The following AGAP1 variants were observed in gnomAD, a reference collection of about 807,000 sequenced individuals.
The protein encoded by AGAP1 is ArfGAP with GTPase domain, ankyrin repeat and PH domain 1, also known as arf-GAP with GTPase, ANK repeat and PH domain-containing protein 1.
AGAP1 carries 29 observed loss-of-function variants against 105.3 expected under a neutral mutation model. The observed-to-expected ratio is 0.28, with a 90% CI of 0.21 to 0.38. The LOEUF (loss-of-function observed/expected upper bound fraction) is 0.38. Ranked by LOEUF, AGAP1 falls within the 10% of genes least tolerant of loss-of-function variation. The pLI is 1.00. For synonymous variants in AGAP1, 509 were observed against 485.9 expected, an observed-to-expected ratio of 1.05 and a Z score of -0.63; for missense variants, 998 against 1,165.1, an observed-to-expected ratio of 0.86 and a Z score of 2.09.
chr2:235,617,340 A>G (rs1216595079), intron 1 of AGAP1, among the ~76,000 whole-genome samples: 1 of 152,206 alleles, frequency 6.6e-6, no homozygotes, highest in African/African-American at 2.4e-5. Flanking sequence ...AGGAAATTAG[A>G]ATAGTGGTTG....
At position 235,777,302 on chromosome 2, in the gene AGAP1, A is replaced by T. The variant is rs1300626400; in HGVS notation, c.674-20457A>T. On this transcript the variant is annotated intron_variant, in intron 6 of 17. Transcript: ENST00000304032. This position sits in a 1 kb window ranked among gnomAD's most constrained non-coding sequence, Gnocchi z 5.1. ...GAGGCGGAGGTTGCAGTGAGCCGAG[A>T]TTGCGCCACTGCACTTCAGCCTGGG... 6.6e-6 allele frequency among the ~76,000 whole-genome samples: 1 copy of T among 152,192 alleles called. No individual in the cohort carries two copies. Among genetic ancestry groups the T allele is most frequent in the Non-Finnish European group, 1.5e-5 (1 of 68,034 alleles).
At chr2:235,512,604 T>C (rs1338750421) in intron 1 of AGAP1, among the ~76,000 whole-genome samples, 2 of 151,944 alleles carry the variant, frequency 1.3e-5, no homozygotes, top group Non-Finnish European at 2.9e-5. Flanking sequence ...TAAAAATCAG[T>C]CAATCAATCA....
Position 236,095,950 on chromosome 2 carries a change from C to G in AGAP1, c.2115-24242C>G, listed in dbSNP as rs151036494. On this transcript the variant is annotated intron_variant, in intron 16 of 17. Coordinates refer to ENST00000304032, the MANE Select transcript of AGAP1 (RefSeq NM_001037131.3). The surrounding 1 kb of genome is among the most constrained non-coding windows in gnomAD (Gnocchi z 4.1). ...GACGCTGCTCTTTTAGAAATTCTTCCGTGATTCAGGGTTCGCCAACATGAG... is the reference window on the plus strand; with the variant it reads ...GACGCTGCTCTTTTAGAAATTCTTCGGTGATTCAGGGTTCGCCAACATGAG... Among the ~76,000 whole-genome samples, 1 of 152,150 alleles carries G rather than the reference C, an allele frequency of 6.6e-6. No homozygotes were observed. The highest frequency in any genetic ancestry group is 1.5e-5 in the Non-Finnish European group (1 of 68,034).
At position 235,555,496 on chromosome 2, in the gene AGAP1, A is replaced by G. The variant is rs1943945166; in HGVS notation, c.163+60647A>G. Reference sequence around the variant, plus strand: ...CATCCAGGGCTGGACTGGGGCCGGCATGGGGGTCACTGGCTGCAAGCGAAG... The same window carrying G: ...CATCCAGGGCTGGACTGGGGCCGGCGTGGGGGTCACTGGCTGCAAGCGAAG... On this transcript the variant is annotated intron_variant, in intron 1 of 17. Coordinates refer to ENST00000304032, the MANE Select transcript of AGAP1 (RefSeq NM_001037131.3). This position sits in a 1 kb window ranked among gnomAD's most constrained non-coding sequence, Gnocchi z 5.1. 6.6e-6 allele frequency among the ~76,000 whole-genome samples: 1 copy of G among 152,146 alleles called. No individual in the cohort carries two copies. Among genetic ancestry groups the G allele is most frequent in the Non-Finnish European group, 1.5e-5 (1 of 68,032 alleles).
rs1204422686 is a variant in AGAP1, at chr2:235,799,672, TAAGAG to T, written c.957+154_957+158del. ...GATTTCTGTGGAGGACTAAGAAAAT[TAAGAG>T]AAGCAAAGATTTGGATGTTGAGTAG... On this transcript the variant is annotated intron_variant, in intron 8 of 17. Transcript: ENST00000304032. This position sits in a 1 kb window ranked among gnomAD's most constrained non-coding sequence, Gnocchi z 5.0. The T allele has an allele frequency of 3.4e-5, 32 of 941,164 alleles. No individual in the cohort carries two copies. The highest frequency in any genetic ancestry group is 2.2e-4 in the Middle Eastern group (1 of 4,454). 58.3% of individuals were successfully genotyped at this position (941,164 alleles called of 1,614,324 possible). A position where few individuals can be genotyped will look rare whatever the true frequency, so the allele number is the denominator to read the frequency against.
Position 235,692,691 on chromosome 2 carries a change from G to A in AGAP1, c.164-16488G>A, listed in dbSNP as rs1176595590. Among the ~76,000 whole-genome samples, 2 of 152,072 alleles carry A rather than the reference G, an allele frequency of 1.3e-5. No individual in the cohort carries two copies. The highest frequency in any genetic ancestry group is 2.4e-5 in the African/African-American group (1 of 41,402). On this transcript the variant is annotated intron_variant, in intron 1 of 17. Coordinates refer to ENST00000304032, the MANE Select transcript of AGAP1 (RefSeq NM_001037131.3). This position sits in a 1 kb window ranked among gnomAD's most constrained non-coding sequence, Gnocchi z 5.8. ...CACCTCAGAGAAGCCGATGACTGAC[G>A]TGCACCCCGCCAGCCTCCCTGCTTA...
At chr2:235,558,046 G>C (rs1213417098) in intron 1 of AGAP1, among the ~76,000 whole-genome samples, 1 of 152,196 alleles carries the variant, frequency 6.6e-6, no homozygotes, top group East Asian at 1.9e-4. Context: ...TCTGTGAGTG[G>C]GAAGAGTACC....
rs1177238884 is a variant in AGAP1, at chr2:235,660,105, T to C, written c.164-49074T>C. 6.6e-6 allele frequency among the ~76,000 whole-genome samples: 1 copy of C among 152,176 alleles called. No homozygotes were observed. Among genetic ancestry groups the C allele is most frequent in the Non-Finnish European group, 1.5e-5 (1 of 68,034 alleles). On this transcript the variant is annotated intron_variant, in intron 1 of 17. Transcript: ENST00000304032. This position sits in a 1 kb window ranked among gnomAD's most constrained non-coding sequence, Gnocchi z 5.3. The stretch of plus-strand genomic sequence containing the variant: ...CCCACCCCTCAGCACACACAGTGAC[T>C]GTGTTTTCATGTTTTCCACCAAGGG...
At position 235,750,340 on chromosome 2, in the gene AGAP1, G is replaced by T; in HGVS notation, c.539-14G>T. The T allele has an allele frequency of 1.2e-6, 2 of 1,613,856 alleles. No homozygotes were observed. The highest frequency in any genetic ancestry group is 8.5e-7 in the Non-Finnish European group (1 of 1,179,866). ...ATTGTCACTGTGCCGTTACTTTTTGGTCTTCTGTTCCAGATGCCATAAGTT... is the reference window on the plus strand; with the variant it reads ...ATTGTCACTGTGCCGTTACTTTTTGTTCTTCTGTTCCAGATGCCATAAGTT... On this transcript the variant is annotated splice_polypyrimidine_tract_variant and intron_variant, in intron 5 of 17. Transcript: ENST00000304032. This position sits in a 1 kb window ranked among gnomAD's most constrained non-coding sequence, Gnocchi z 5.3.
At chr2:235,878,986 T>TG (rs2049880518) in intron 9 of AGAP1, among the ~76,000 whole-genome samples, 1 of 152,174 alleles carries the variant, frequency 6.6e-6, no homozygotes, top group Non-Finnish European at 1.5e-5. Context: ...GGGCAGTGGC[T>TG]GGGACACCCA....
In AGAP1 at chr2:235,931,082, G is replaced by T. The variant is rs1267139611; in HGVS notation, c.1483+159G>T. Among the ~76,000 whole-genome samples, 1 of 152,166 alleles carries T rather than the reference G, an allele frequency of 6.6e-6. No individual in the cohort carries two copies. The highest frequency in any genetic ancestry group is 1.5e-5 in the Non-Finnish European group (1 of 68,028). On this transcript the variant is annotated intron_variant, in intron 12 of 17. Transcript: ENST00000304032. This position sits in a 1 kb window ranked among gnomAD's most constrained non-coding sequence, Gnocchi z 5.6. Reference sequence around the variant, plus strand: ...GACTCACATCTTGCCTTTCATCTGTGGAACGTTTTGTCCTTGCTAGGCTGT... The same window carrying T: ...GACTCACATCTTGCCTTTCATCTGTTGAACGTTTTGTCCTTGCTAGGCTGT...
At chr2:235,704,164 G>A (rs549986872) in intron 1 of AGAP1, among the ~76,000 whole-genome samples, 5 of 152,240 alleles carry the variant, frequency 3.3e-5, no homozygotes, top group Admixed American at 2.6e-4. Context: ...TGAGGGCTGC[G>A]TTATGGGGTA....
Position 235,848,950 on chromosome 2 carries a change from C to T in AGAP1, c.1051-34395C>T, listed in dbSNP as rs375581719. ...GTATCCCAAGACTGATTTCCCTGTC[C>T]GTCCGTGTGCTTTGGAGGTATCCTG... On this transcript the variant is annotated intron_variant, in intron 9 of 17. Transcript: ENST00000304032. Among the ~76,000 whole-genome samples, 49 of 152,288 alleles carry T rather than the reference C, an allele frequency of 3.2e-4. 1 individual carries two copies. The South Asian group carries it at 8.9e-3, about 28-fold the overall frequency.
At chr2:235,730,933 G>T (rs185581815) in intron 3 of AGAP1, among the ~76,000 whole-genome samples, 2 of 152,018 alleles carry the variant, frequency 1.3e-5, no homozygotes, top group African/African-American at 2.4e-5. Context: ...CGTTTTCTCC[G>T]AGAGGTGCAT....
chr2:235,531,445 C>G (rs759211226), intron 1 of AGAP1, among the ~76,000 whole-genome samples: 13 of 152,144 alleles, frequency 8.5e-5, no homozygotes, highest in Non-Finnish European at 1.5e-4. Context: ...ATCTCTGCAT[C>G]GGTCTTCTCT....
intron 12 of AGAP1, among the ~76,000 whole-genome samples, chr2:235,950,854 C>T (rs1046648128): frequency 1.4e-5 from 2 of 146,348 alleles, no homozygotes; most frequent in African/African-American, 2.5e-5. Flanking sequence ...ATGCTTTAAA[C>T]TCACAGCAAA....
In AGAP1 at chr2:236,125,418, A is replaced by C. The variant is rs2059987549; in HGVS notation, c.*1296A>C. The C allele has an allele frequency of 6.6e-6, 1 of 152,432 alleles. No individual in the cohort carries two copies. The highest frequency in any genetic ancestry group is 1.5e-5 in the Non-Finnish European group (1 of 68,040). The allele number at this position is 152,432 out of a possible 1,614,324, so 9.4% of individuals were successfully genotyped here. A position where few individuals can be genotyped will look rare whatever the true frequency, so the allele number is the denominator to read the frequency against. On this transcript the variant is annotated 3_prime_UTR_variant, in exon 18 of 18. Transcript: ENST00000304032. The surrounding 1 kb of genome is among the most constrained non-coding windows in gnomAD (Gnocchi z 5.2). Reference sequence around the variant, plus strand: ...CCATTAATGTGATCTACGGCTTTTGAAAAGGAGCATCTCAGAATAAGATGG... The same window carrying C: ...CCATTAATGTGATCTACGGCTTTTGCAAAGGAGCATCTCAGAATAAGATGG...
chr2:235,938,247 G>A (rs1165475644), intron 12 of AGAP1, among the ~76,000 whole-genome samples: 3 of 152,230 alleles, frequency 2.0e-5, no homozygotes, highest in African/African-American at 4.8e-5. Flanking sequence ...AGCCTTACCC[G>A]CTTCAGATGA....
At chr2:236,077,140 A>AT (rs1239013558) in intron 16 of AGAP1, among the ~76,000 whole-genome samples, 1,369 of 127,786 alleles carry the variant, frequency 0.011, 11 homozygotes, top group Middle Eastern at 0.048. Flanking sequence ...AAAAAAAAAA[A>AT]AAATATATAT....
Sources: allele counts gnomAD v4.1 joint callset (sites outside exome capture counted in the v4.1 genomes callset), GRCh38; gene constraint gnomAD v4.1.1; non-coding constraint Gnocchi (gnomAD v3.1); transcripts MANE v1.5; gene names NCBI Gene and HGNC (gene_info 2026-07-23, HGNC 2026-07-21).